Variants in ITGB1 observed in about 807,000 individuals in gnomAD.
The protein encoded by ITGB1 is integrin subunit beta 1.
Under a neutral mutation model 86.5 loss-of-function variants are expected in ITGB1, and 24 were observed. The ratio of observed to expected loss-of-function variants is 0.28; its 90% CI spans 0.20 to 0.39. The LOEUF (loss-of-function observed/expected upper bound fraction) is 0.39. ITGB1 is among the 10% of genes least tolerant of loss of function. ITGB1 has a pLI of 1.00. For synonymous variants in ITGB1, 323 were observed against 316.8 expected (o/e 1.02, Z -0.21); for missense variants, 556 against 946.9 (o/e 0.59, Z 5.42).
chr10:32,926,971 A>C (rs1248168636), intron 5 of ITGB1, among the ~76,000 whole-genome samples: 2 of 152,238 alleles, frequency 1.3e-5, no homozygotes, highest in Non-Finnish European at 2.9e-5. Flanking sequence ...AAAGCAGCAC[A>C]AATGGACTAA....
chr10:32,947,304 AAAAG>A (rs1326305620), intron 1 of ITGB1, among the ~76,000 whole-genome samples: 3 of 152,044 alleles, frequency 2.0e-5, no homozygotes, highest in South Asian at 4.2e-4. Context: ...AAATAAAAAA[AAAAG>A]AAAGAAAGAA....
intron 11 of ITGB1, among the ~76,000 whole-genome samples, chr10:32,912,347 G>A (rs745444308): frequency 3.3e-5 from 5 of 152,194 alleles, no homozygotes; most frequent in African/African-American, 7.2e-5. Context: ...GCGGGGCATC[G>A]CCTCACCCGG....
chr10:32,908,293 A>C lies in ITGB1; in HGVS notation c.2331+75T>G, dbSNP rs535968960. ...AAAGGACTTTAATAATCAGCCTGAC[A>C]GCTAATACATAAGTCTTAGGAGTAT... On this transcript the variant is annotated intron_variant, in intron 15 of 15. Transcript: ENST00000302278. The C allele has an allele frequency of 3.8e-6, 5 of 1,310,520 alleles. No individual in the cohort carries two copies. The African/African-American group carries it at 7.3e-5, about 19-fold the overall frequency. The allele number at this position is 1,310,520 out of a possible 1,614,324, so 81.2% of individuals were successfully genotyped here.
chr10:32,943,183 C>G (rs2095023043), intron 1 of ITGB1, among the ~76,000 whole-genome samples: 1 of 152,092 alleles, frequency 6.6e-6, no homozygotes, highest in Non-Finnish European at 1.5e-5. Flanking sequence ...TTTTCAATTA[C>G]TTTAAGTATA....
In ITGB1 at chr10:32,928,375, T is replaced by C. The variant is rs760755742; in HGVS notation, c.377-111A>G. 1.0e-5 allele frequency: 6 copies of C among 574,812 alleles called. No homozygotes were observed. The Admixed American group carries it at 1.1e-4, about 11-fold the overall frequency. 35.6% of individuals were successfully genotyped at this position (574,812 alleles called of 1,614,324 possible). On this transcript the variant is annotated intron_variant, in intron 4 of 15. Coordinates refer to ENST00000302278, the MANE Select transcript of ITGB1 (RefSeq NM_002211.4). ...GGTAAACACAATAAAATAAAACATG[T>C]TGTCATAATTTTTACAAAAACCTGG...
chr10:32,932,901 T>C (rs1475119170), intron 2 of ITGB1, among the ~76,000 whole-genome samples: 2 of 152,160 alleles, frequency 1.3e-5, no homozygotes, highest in Non-Finnish European at 2.9e-5. Context: ...TTATCCTTTG[T>C]GTTACAAAGA....
At chr10:32,951,265 T>G (rs1410006997) in intron 1 of ITGB1, among the ~76,000 whole-genome samples, 1 of 151,870 alleles carries the variant, frequency 6.6e-6, no homozygotes, top group African/African-American at 2.4e-5. Context: ...GGAAGAAAAT[T>G]TAGGCTGGAA....
chr10:32,955,770 A>G (rs1365461007), intron 1 of ITGB1: 1 of 152,236 alleles, frequency 6.6e-6, no homozygotes, highest in Non-Finnish European at 1.5e-5. Context: ...GATTTAAATT[A>G]AATTATACTG....
At chr10:32,957,543 C>A (rs1565837358) in intron 1 of ITGB1, among the ~76,000 whole-genome samples, 1 of 152,118 alleles carries the variant, frequency 6.6e-6, no homozygotes, top group Non-Finnish European at 1.5e-5. Flanking sequence ...AAGCCAACTT[C>A]TACCCGGCTC....
At chr10:32,953,305 C>T (rs1472653181) in intron 1 of ITGB1, among the ~76,000 whole-genome samples, 1 of 152,208 alleles carries the variant, frequency 6.6e-6, no homozygotes, top group Non-Finnish European at 1.5e-5. Context: ...CTGAACTGAA[C>T]ACAACTTGTT....
intron 1 of ITGB1, among the ~76,000 whole-genome samples, chr10:32,936,560 T>C (rs1336891003): frequency 6.6e-6 from 1 of 151,508 alleles, no homozygotes; most frequent in Non-Finnish European, 1.5e-5. Context: ...TAAGACAAAC[T>C]GAAAAAGTCT....
At chr10:32,946,441 T>A (rs2095031399) in intron 1 of ITGB1, among the ~76,000 whole-genome samples, 1 of 152,134 alleles carries the variant, frequency 6.6e-6, no homozygotes, top group South Asian at 2.1e-4. Context: ...CCACCTTATC[T>A]TAAGGGGAAA....
Position 32,908,457 on chromosome 10 carries a change from G to A in ITGB1, c.2242C>T (p.Leu748=). ...ATCATTAAAAGCTTCCATATCAGCA[G>A]TAATGCAAGGCCAATAAGAACAATT... ...AGIVLIGLAL[L]LIWKLLMIIH... Residue 748 remains leucine (L), a synonymous_variant, in exon 15 of 16, where the codon CTG becomes TTG. Transcript: ENST00000302278. 13 of 1,611,688 alleles carry A rather than the reference G, an allele frequency of 8.1e-6. No individual in the cohort carries two copies. The highest frequency in any genetic ancestry group is 1.1e-5 in the Non-Finnish European group (13 of 1,177,888).
At chr10:32,908,786 C>T (rs1474988486) in intron 14 of ITGB1, among the ~76,000 whole-genome samples, 1 of 152,010 alleles carries the variant, frequency 6.6e-6, no homozygotes, top group Admixed American at 6.6e-5. Flanking sequence ...GTAATATTTA[C>T]TACAGAATGA....
intron 11 of ITGB1, among the ~76,000 whole-genome samples, chr10:32,916,979 G>A (rs1030738605): frequency 6.6e-6 from 1 of 152,148 alleles, no homozygotes; most frequent in African/African-American, 2.4e-5. Flanking sequence ...GCATGGTACT[G>A]GTACCAAAAC....
intron 9 of ITGB1, among the ~76,000 whole-genome samples, chr10:32,921,127 G>A (rs796245970): frequency 1.0e-4 from 15 of 143,416 alleles, no homozygotes; most frequent in African/African-American, 3.5e-4. Context: ...ATGCAGTCTA[G>A]GAACAAATTT....
At chr10:32,939,850 A>T (rs1274593068) in intron 1 of ITGB1, among the ~76,000 whole-genome samples, 3 of 152,158 alleles carry the variant, frequency 2.0e-5, no homozygotes, top group Admixed American at 6.6e-5. Context: ...GTGGACACAA[A>T]TACACACTAC....
intron 15 of ITGB1, among the ~76,000 whole-genome samples, chr10:32,904,871 TAA>T (rs1272633649): frequency 2.0e-5 from 3 of 152,176 alleles, no homozygotes; most frequent in Non-Finnish European, 4.4e-5. Flanking sequence ...TTATAAACAT[TAA>T]GTTTAAATAA....
intron 11 of ITGB1, among the ~76,000 whole-genome samples, chr10:32,918,131 G>A (rs1025790570): frequency 4.6e-5 from 7 of 152,124 alleles, no homozygotes; most frequent in Admixed American, 4.6e-4. Flanking sequence ...ACTCATAGGT[G>A]GGAACTGAAC....
Sources: gnomAD v4.1 joint callset for allele counts (sites outside exome capture counted in the v4.1 genomes callset) on GRCh38, gnomAD v4.1.1 for gene constraint, MANE v1.5 for transcripts, NCBI Gene and HGNC (gene_info 2026-07-23, HGNC 2026-07-21) for gene names.